Variants in SNX13 observed in about 807,000 individuals in gnomAD.
The protein encoded by SNX13 is sorting nexin-13.
Under a neutral mutation model 133.6 loss-of-function variants are expected in SNX13, and 45 were observed. That is an observed-to-expected ratio of 0.34 (90% CI 0.27 to 0.43). The LOEUF is 0.43. Among genes scored for constraint, SNX13 ranks in the 20% least tolerant of loss-of-function variants. The probability of loss-of-function intolerance (pLI) is 1.00; values close to 1 mark genes in which losing one functional copy is unlikely to be tolerated. For synonymous variants in SNX13, 414 were observed against 373.9 expected, an observed-to-expected ratio of 1.11 and a Z score of -1.24; for missense variants, 1,032 against 1,145.1, an observed-to-expected ratio of 0.90 and a Z score of 1.43.
In SNX13 at chr7:17,834,058, C is replaced by T; in HGVS notation, c.1591G>A (p.Asp531Asn). 1 of 1,560,686 alleles carries T rather than the reference C, an allele frequency of 6.4e-7. No individual in the cohort carries two copies. Among genetic ancestry groups the T allele is most frequent in the Non-Finnish European group, 8.7e-7 (1 of 1,147,650 alleles). ...DPSFRGSDDGDGESFNGSPTG... is the reference protein window; with the variant it reads ...DPSFRGSDDGNGESFNGSPTG... ...AAAATGGGTGCCACCTTACCTCCAT[C>T]CCCATCATCGGATCCTCTGAAACTA... Residue 531 changes from aspartate to asparagine, a missense_variant, in exon 15 of 26, where the codon GAT (aspartate) becomes AAT (asparagine). Transcript: ENST00000428135.
chr7:17,910,689 T>C (rs937299613), intron 1 of SNX13, among the ~76,000 whole-genome samples: 4 of 152,194 alleles, frequency 2.6e-5, no homozygotes, highest in Non-Finnish European at 5.9e-5. Context: ...ATGAACAAAT[T>C]GTGGTATCTA....
At chr7:17,827,687 G>A (rs954628146) in intron 16 of SNX13, among the ~76,000 whole-genome samples, 3 of 151,540 alleles carry the variant, frequency 2.0e-5, no homozygotes, top group Non-Finnish European at 4.4e-5. Context: ...CTACTTTCTC[G>A]GATTTCAGTT....
At chr7:17,938,026 G>C (rs1385651902) in intron 1 of SNX13, among the ~76,000 whole-genome samples, 1 of 152,168 alleles carries the variant, frequency 6.6e-6, no homozygotes, top group Non-Finnish European at 1.5e-5. Context: ...ATCTAAGTCA[G>C]CAATGTCTAG....
At chr7:17,845,569 CAT>C in intron 12 of SNX13, 24 bp downstream of exon 12, 1 of 1,397,674 alleles carries the variant, frequency 7.2e-7, no homozygotes, top group Non-Finnish European at 9.8e-7. Context: ...ATGGCTGTAT[CAT>C]TTAAATAGAA....
chr7:17,919,990 A>C (rs1358021195), intron 1 of SNX13, among the ~76,000 whole-genome samples: 1 of 152,126 alleles, frequency 6.6e-6, no homozygotes. Context: ...AAATTAATGA[A>C]TGAGTAAAGA....
At chr7:17,813,149 G>T (rs1786249688) in intron 20 of SNX13, among the ~76,000 whole-genome samples, 1 of 152,010 alleles carries the variant, frequency 6.6e-6, no homozygotes, top group Admixed American at 6.5e-5. Context: ...TTGTATAACT[G>T]TTGGGACATA....
At chr7:17,801,404 G>C (rs1173069746) in intron 22 of SNX13, among the ~76,000 whole-genome samples, 184 bp downstream of exon 22, 1 of 151,838 alleles carries the variant, frequency 6.6e-6, no homozygotes. Context: ...TTCTGGAGTA[G>C]TGATAATCTT....
intron 21 of SNX13, 93 bp from the exon 22 acceptor site, chr7:17,801,752 TG>T: frequency 1.1e-6 from 1 of 918,800 alleles, no homozygotes; most frequent in African/African-American, 1.7e-5. Flanking sequence ...TATCAGCATT[TG>T]ATCTGACTTT....
chr7:17,910,242 A>G (rs964383321), intron 1 of SNX13, among the ~76,000 whole-genome samples: 7 of 152,230 alleles, frequency 4.6e-5, no homozygotes, highest in Non-Finnish European at 1.0e-4. Context: ...ACATAAATAT[A>G]ATAAGGGAAA....
At chr7:17,871,582 C>G (rs1794125882) in intron 8 of SNX13, among the ~76,000 whole-genome samples, 1 of 152,170 alleles carries the variant, frequency 6.6e-6, no homozygotes, top group South Asian at 2.1e-4. Flanking sequence ...CCCTTTGTGT[C>G]TGAACATCCC....
intron 20 of SNX13, among the ~76,000 whole-genome samples, chr7:17,810,766 G>A (rs1319948289): frequency 6.6e-6 from 1 of 152,110 alleles, no homozygotes; most frequent in Non-Finnish European, 1.5e-5. Context: ...AAAATAATGT[G>A]AAACTGAATC....
rs536583858 is a variant in SNX13 at position 17,923,006 on chromosome 7, A to C, written c.12+17278T>G. Among the ~76,000 whole-genome samples the C allele has an allele frequency of 2.6e-5, 4 of 152,354 alleles. No individual in the cohort carries two copies. In the East Asian group the frequency reaches 7.7e-4, roughly 29 times the overall value. ...TTATAAACAAAAAAATGCATTGCAA[A>C]TAATATTTTATTTTTAGATAGCACA... On this transcript the variant is annotated intron_variant, in intron 1 of 25. Transcript: ENST00000428135.
intron 1 of SNX13, chr7:17,899,965 A>G (rs1430217734): frequency 6.6e-6 from 1 of 152,180 alleles, no homozygotes; most frequent in Non-Finnish European, 1.5e-5. Flanking sequence ...CTTTCCAGGT[A>G]TTCAAAGGAA....
At chr7:17,931,610 A>G (rs1018408369) in intron 1 of SNX13, among the ~76,000 whole-genome samples, 4 of 152,230 alleles carry the variant, frequency 2.6e-5, no homozygotes, top group African/African-American at 7.2e-5. Context: ...TTTAAATGGA[A>G]TAAGAACCAA....
In SNX13 at chr7:17,810,998, G is replaced by A. The variant is rs531718272; in HGVS notation, c.2064+3836C>T. ...TCAATAAACTAGGTATCAATGGAAC[G>A]TATCTCAAAATAATAAGAGCTATTT... On this transcript the variant is annotated intron_variant, in intron 20 of 25. Transcript: ENST00000428135. Among the ~76,000 whole-genome samples the A allele has an allele frequency of 1.3e-4, 20 of 152,190 alleles. No homozygotes were observed. In the East Asian group the frequency reaches 1.9e-3, roughly 15 times the overall value.
At chr7:17,842,235 A>G (rs868034837) in intron 12 of SNX13, among the ~76,000 whole-genome samples, 16 of 152,206 alleles carry the variant, frequency 1.1e-4, no homozygotes, top group Middle Eastern at 3.4e-3. Flanking sequence ...GAAAAACAAC[A>G]CATACAAAAT....
At chr7:17,849,531 A>G (rs1394917939) in intron 11 of SNX13, among the ~76,000 whole-genome samples, 1 of 152,216 alleles carries the variant, frequency 6.6e-6, no homozygotes, top group Non-Finnish European at 1.5e-5. Context: ...GTCACTTGTC[A>G]GGGCAAATCT....
chr7:17,916,662 AAAG>A (rs911320994), intron 1 of SNX13, among the ~76,000 whole-genome samples: 3 of 152,166 alleles, frequency 2.0e-5, no homozygotes, highest in Middle Eastern at 6.8e-3. Context: ...ATCAGTAACA[AAAG>A]AAGAACGTAT....
intron 21 of SNX13, among the ~76,000 whole-genome samples, chr7:17,802,949 T>A (rs182685558): frequency 6.6e-6 from 1 of 152,270 alleles, no homozygotes; most frequent in Admixed American, 6.5e-5. Flanking sequence ...CAGTAACGTA[T>A]GAGCCCAGAG....
Sources: allele counts gnomAD v4.1 joint callset (sites outside exome capture counted in the v4.1 genomes callset), GRCh38; gene constraint gnomAD v4.1.1; transcripts MANE v1.5; gene names NCBI Gene and HGNC (gene_info 2026-07-23, HGNC 2026-07-21).